Variants in ZCCHC2 observed in about 807,000 individuals in gnomAD.
ZCCHC2 encodes the protein zinc finger CCHC-type containing 2, also known as zinc finger CCHC domain-containing protein 2.
Under a neutral mutation model 103.6 loss-of-function variants are expected in ZCCHC2, and 39 were observed. That is an observed-to-expected ratio of 0.38 (90% CI 0.29 to 0.49). The LOEUF is 0.49. Among genes scored for constraint, ZCCHC2 ranks in the 20% least tolerant of loss-of-function variants. The pLI, the probability that ZCCHC2 is intolerant of heterozygous loss-of-function variation, is 0.96. For synonymous variants in ZCCHC2, 687 were observed against 608.9 expected (o/e 1.13, Z -1.89); for missense variants, 1,483 against 1,491.0 (o/e 0.99, Z 0.09).
intron 11 of ZCCHC2, among the ~76,000 whole-genome samples, chr18:62,567,822 G>C (rs1916430263): frequency 6.6e-6 from 1 of 151,654 alleles, no homozygotes; most frequent in Admixed American, 6.6e-5. Flanking sequence ...GTGCACACCT[G>C]TAATCCCAGC....
At position 62,523,305 on chromosome 18, in the gene ZCCHC2, TC is replaced by T; in HGVS notation, c.-115del. On this transcript the variant is annotated 5_prime_UTR_variant, in exon 1 of 14. Transcript: ENST00000269499. ...CGAGACCCGCCCCCGGCCCCGGCCC[TC>T]CCCCGGCGGCATGGAGGGGCCCCGC... 1.0e-5 allele frequency: 5 copies of T among 482,232 alleles called. No individual in the cohort carries two copies. Among genetic ancestry groups the T allele is most frequent in the Non-Finnish European group, 1.2e-5 (5 of 401,954 alleles). 29.9% of individuals were successfully genotyped at this position (482,232 alleles called of 1,614,324 possible). A position where few individuals can be genotyped will look rare whatever the true frequency, so the allele number is the denominator to read the frequency against.
At chr18:62,579,225 T>C (rs1916976104), downstream of ZCCHC2, among the ~76,000 whole-genome samples, 1 of 152,238 alleles carries the variant, frequency 6.6e-6, no homozygotes, top group South Asian at 2.1e-4. Flanking sequence ...TTTAGGCCTT[T>C]AGCCACTAAA....
chr18:62,563,389 T>C (rs745525996), intron 9 of ZCCHC2, among the ~76,000 whole-genome samples: 2 of 152,200 alleles, frequency 1.3e-5, no homozygotes, highest in Non-Finnish European at 2.9e-5. Context: ...CCAGGCGCCA[T>C]GGGTCACGCT....
At chr18:62,555,700 C>G (rs1002148557) in intron 5 of ZCCHC2, among the ~76,000 whole-genome samples, 1 of 151,976 alleles carries the variant, frequency 6.6e-6, no homozygotes, top group African/African-American at 2.4e-5. Context: ...CCCAGCTACT[C>G]GGGATGCTGA....
intron 6 of ZCCHC2, among the ~76,000 whole-genome samples, chr18:62,557,958 T>C (rs759662570): frequency 2.6e-5 from 4 of 152,096 alleles, no homozygotes; most frequent in African/African-American, 9.7e-5. Flanking sequence ...CGTTCTTACA[T>C]ATCTGAGTTG....
intron 2 of ZCCHC2, among the ~76,000 whole-genome samples, chr18:62,542,285 GA>G (rs970712346): frequency 6.6e-6 from 1 of 152,036 alleles, no homozygotes; most frequent in Non-Finnish European, 1.5e-5. Context: ...TATGGGTATA[GA>G]AAAAAATTTT....
At chr18:62,550,548 G>A in intron 5 of ZCCHC2, 88 bp downstream of exon 5, 3 of 907,262 alleles carry the variant, frequency 3.3e-6, no homozygotes. Flanking sequence ...GGGAATCATA[G>A]AGATCCTTTC....
At chr18:62,543,090 G>A (rs962563487) in intron 3 of ZCCHC2, among the ~76,000 whole-genome samples, 5 of 152,140 alleles carry the variant, frequency 3.3e-5, no homozygotes, top group South Asian at 2.1e-4. Flanking sequence ...CAGCTGTATC[G>A]GGAATTCCTT....
intron 3 of ZCCHC2, among the ~76,000 whole-genome samples, chr18:62,544,465 T>G (rs1475853836): frequency 6.6e-6 from 1 of 152,192 alleles, no homozygotes; most frequent in African/African-American, 2.4e-5. Context: ...TGGCAAAGAT[T>G]TGTACTGTCA....
In ZCCHC2 at chr18:62,576,530, A is replaced by T. The variant is rs531157654; in HGVS notation, c.3488A>T (p.Tyr1163Phe). The T allele has an allele frequency of 6.2e-7, 1 of 1,613,822 alleles. No individual in the cohort carries two copies. Among genetic ancestry groups the T allele is most frequent in the Admixed American group, 1.7e-5 (1 of 60,018 alleles). Residue 1163 changes from tyrosine (Y) to phenylalanine (F), a missense_variant, in exon 14 of 14, where the codon TAC becomes TTC. Physicochemically the swap from Tyr to Phe is conservative, Grantham distance 22. Coordinates refer to ENST00000269499, the MANE Select transcript of ZCCHC2 (RefSeq NM_017742.6). Reference sequence around the variant, plus strand: ...ATTTTAGGCACTTACAGACTGAGATACGCACCTCCCCTCCCCCCTTCTAAT... The same window carrying T: ...ATTTTAGGCACTTACAGACTGAGATTCGCACCTCCCCTCCCCCCTTCTAAT... ...ANQQGTYRLR[Y>F]APPLPPSNDT...
At chr18:62,583,856 G>C (rs1374825861) in intron 14 of ZCCHC2, among the ~76,000 whole-genome samples, 5 of 152,152 alleles carry the variant, frequency 3.3e-5, no homozygotes, top group African/African-American at 4.8e-5. Context: ...TGGGGTCCCA[G>C]GGCTGAGAGG....
At chr18:62,560,286 A>G (rs1408938992) in intron 7 of ZCCHC2, 4 of 238,016 alleles carry the variant, frequency 1.7e-5, no homozygotes, top group Non-Finnish European at 3.2e-5. Flanking sequence ...TTTAATGGTT[A>G]AAAAGTTCTA....
At chr18:62,536,926 C>G (rs1013833087) in intron 1 of ZCCHC2, among the ~76,000 whole-genome samples, 1 of 152,170 alleles carries the variant, frequency 6.6e-6, no homozygotes, top group Non-Finnish European at 1.5e-5. Flanking sequence ...TACTTTCATA[C>G]AGTTGCTTCA....
intron 8 of ZCCHC2, among the ~76,000 whole-genome samples, chr18:62,561,451 A>C (rs1256027844): frequency 6.6e-6 from 1 of 152,154 alleles, no homozygotes; most frequent in Non-Finnish European, 1.5e-5. Context: ...TGTGCTCCTC[A>C]AGTATGAGCC....
At chr18:62,524,615 C>T (rs1013914112) in intron 1 of ZCCHC2, 12 of 493,736 alleles carry the variant, frequency 2.4e-5, no homozygotes, top group Admixed American at 2.1e-4. Flanking sequence ...AAGTCCCTTC[C>T]GTGCCACGGT....
chr18:62,579,595 C>T (rs1193287811), downstream of ZCCHC2, among the ~76,000 whole-genome samples: 1 of 152,216 alleles, frequency 6.6e-6, no homozygotes, highest in Non-Finnish European at 1.5e-5. Flanking sequence ...ACAAATAATG[C>T]ACCTATAGGT....
intron 1 of ZCCHC2, chr18:62,526,854 G>GC (rs1253056065): frequency 4.0e-5 from 6 of 151,618 alleles, no homozygotes; most frequent in African/African-American, 1.2e-4. Context: ...CGCCGGCCCC[G>GC]CCCCCGGCGC....
chr18:62,527,153 A>G (rs1438634462), intron 1 of ZCCHC2, among the ~76,000 whole-genome samples: 4 of 151,854 alleles, frequency 2.6e-5, no homozygotes, highest in Admixed American at 6.6e-5. Context: ...GGTTAACGTA[A>G]AGTTAGCATC....
chr18:62,523,376 G>GGGGGCGCC lies in ZCCHC2; in HGVS notation c.-49_-48insGGGGCGCC. The GGGGGCGCC allele has an allele frequency of 3.0e-6, 3 of 1,012,354 alleles. No individual in the cohort carries two copies. Among genetic ancestry groups the GGGGGCGCC allele is most frequent in the Non-Finnish European group, 3.5e-6 (3 of 848,990 alleles). The allele number at this position is 1,012,354 out of a possible 1,614,324, so 62.7% of individuals were successfully genotyped here. A position where few individuals can be genotyped will look rare whatever the true frequency, so the allele number is the denominator to read the frequency against. On this transcript the variant is annotated 5_prime_UTR_variant, in exon 1 of 14. Coordinates refer to ENST00000269499, the MANE Select transcript of ZCCHC2 (RefSeq NM_017742.6). ...GCCTCGGCCCGTGCTCCACCTCGCG[G>GGGGGCGCC]CCCCTCCCGCCCGCCCCCGCTCGCA...
Sources: gnomAD v4.1 joint callset for allele counts (sites outside exome capture counted in the v4.1 genomes callset) on GRCh38, gnomAD v4.1.1 for gene constraint, MANE v1.5 for transcripts, NCBI Gene and HGNC (gene_info 2026-07-23, HGNC 2026-07-21) for gene names.